ERP44: variants seen among roughly 807,000 people sequenced by gnomAD.
ERP44 encodes endoplasmic reticulum resident protein 44.
A neutral mutation model predicts 53.4 loss-of-function variants in ERP44; 25 were observed. That is an observed-to-expected ratio of 0.47 (90% CI 0.34 to 0.65). The LOEUF (loss-of-function observed/expected upper bound fraction) is 0.65. Ranked by LOEUF, ERP44 falls within the 30% of genes least tolerant of loss-of-function variation. The probability of loss-of-function intolerance (pLI) is 0.01; values close to 1 mark genes in which losing one functional copy is unlikely to be tolerated. For synonymous variants in ERP44, 145 were observed against 161.2 expected, an observed-to-expected ratio of 0.90 and a Z score of 0.76; for missense variants, 338 against 493.2, an observed-to-expected ratio of 0.69 and a Z score of 2.98.
At chr9:100,006,716 C>T in intron 9 of ERP44, 69 bp from the exon 10 acceptor site, 3 of 1,161,046 alleles carry the variant, frequency 2.6e-6, no homozygotes, top group Non-Finnish European at 3.6e-6. Context: ...AGATTGCAAG[C>T]TCACAAAAAG....
At chr9:100,061,193 A>T in intron 1 of ERP44, among the ~76,000 whole-genome samples, 1 of 152,214 alleles carries the variant, frequency 6.6e-6, no homozygotes, top group East Asian at 1.9e-4. Context: ...CTGTAATCCC[A>T]GCACTTTGAG....
intron 1 of ERP44, among the ~76,000 whole-genome samples, chr9:100,084,458 T>G (rs899692922): frequency 3.3e-5 from 5 of 152,202 alleles, no homozygotes; most frequent in African/African-American, 1.2e-4. Context: ...TTGTTTTGCT[T>G]TAATGGTATT....
chr9:100,065,050 T>C (rs1826194108), intron 1 of ERP44, among the ~76,000 whole-genome samples: 1 of 152,204 alleles, frequency 6.6e-6, no homozygotes, highest in Admixed American at 6.5e-5. Flanking sequence ...TTATAAAGAC[T>C]ACAGTAAGGT....
At chr9:100,017,840 C>G (rs1587964032) in intron 7 of ERP44, among the ~76,000 whole-genome samples, 1 of 152,316 alleles carries the variant, frequency 6.6e-6, no homozygotes, top group African/African-American at 2.4e-5. Flanking sequence ...TCCTTATTAT[C>G]TGGCAGGTAC....
intron 10 of ERP44, among the ~76,000 whole-genome samples, chr9:99,996,541 T>TC (rs56699808): frequency 1.1e-3 from 163 of 151,608 alleles, no homozygotes; most frequent in African/African-American, 3.5e-3. Flanking sequence ...TTCTTTTTTT[T>TC]CCCCCATTGG....
chr9:99,990,427 G>A (rs1016199457), intron 10 of ERP44, among the ~76,000 whole-genome samples: 4 of 152,202 alleles, frequency 2.6e-5, no homozygotes, highest in African/African-American at 7.2e-5. Flanking sequence ...CTTCATAAGT[G>A]AAGGAGAAAT....
intron 8 of ERP44, among the ~76,000 whole-genome samples, chr9:100,010,990 C>T (rs1830470901): frequency 6.6e-6 from 1 of 151,610 alleles, no homozygotes; most frequent in South Asian, 2.1e-4. Flanking sequence ...AATCCACCCT[C>T]TCTTTCAAAA....
At chr9:99,997,290 C>T (rs147508323) in intron 10 of ERP44, among the ~76,000 whole-genome samples, 71 of 152,244 alleles carry the variant, frequency 4.7e-4, no homozygotes, top group African/African-American at 1.6e-3. Context: ...ACCACATCCA[C>T]GCCAACATCT....
chr9:100,010,576 A>G (rs934513678), intron 8 of ERP44, among the ~76,000 whole-genome samples: 2 of 152,168 alleles, frequency 1.3e-5, no homozygotes, highest in African/African-American at 2.4e-5. Context: ...AAGTAATCCA[A>G]CTAAACATAC....
At chr9:100,024,152 TCAACAA>T (rs35674225) in intron 4 of ERP44, among the ~76,000 whole-genome samples, 36,561 of 149,094 alleles carry the variant, frequency 0.25, 6,191 homozygotes, top group African/African-American at 0.49. Context: ...AAACCCTGAC[TCAACAA>T]CAACAACAAC....
intron 1 of ERP44, 139 bp downstream of exon 1, chr9:100,098,645 A>T (rs1826691993): frequency 4.6e-6 from 3 of 647,634 alleles, no homozygotes; most frequent in East Asian, 3.2e-5. Flanking sequence ...GGCGAGAGTG[A>T]GGGCAGCGGG....
chr9:100,040,974 T>C (rs575590792), intron 4 of ERP44, among the ~76,000 whole-genome samples: 1 of 152,160 alleles, frequency 6.6e-6, no homozygotes, highest in South Asian at 2.1e-4. Context: ...CAATGATAAT[T>C]ATAAAACATC....
At chr9:100,090,409 A>C (rs1423833760) in intron 1 of ERP44, among the ~76,000 whole-genome samples, 1 of 152,170 alleles carries the variant, frequency 6.6e-6, no homozygotes, top group East Asian at 1.9e-4. Flanking sequence ...TGTGTTGGTA[A>C]TTTTTAAAAG....
intron 10 of ERP44, among the ~76,000 whole-genome samples, chr9:99,989,448 G>A (rs1429681832): frequency 1.3e-5 from 2 of 152,202 alleles, no homozygotes; most frequent in Non-Finnish European, 2.9e-5. Context: ...TGCAGGTGAG[G>A]GACCTGACTG....
chr9:100,078,561 C>T (rs1460635081), intron 1 of ERP44, among the ~76,000 whole-genome samples: 3 of 151,498 alleles, frequency 2.0e-5, no homozygotes. Context: ...TCAAGACCAG[C>T]CTGGCCAACA....
In ERP44 at chr9:99,985,038, C is replaced by T; in HGVS notation, c.1048G>A (p.Asp350Asn). The change falls in exon 11 of 12, where the codon GAC becomes AAC. Residue 350 changes from aspartate (D) to asparagine (N), a missense_variant. By Grantham distance (23) the Asp-to-Asn change is conservative. Coordinates refer to ENST00000262455, the MANE Select transcript of ERP44 (RefSeq NM_015051.3). Reference protein sequence around the residue: ...IPGKLKQFVFDLHSGKLHREF... With the variant: ...IPGKLKQFVFNLHSGKLHREF... The stretch of plus-strand genomic sequence containing the variant: ...CTGTGCAGTTTTCCAGAATGTAAGT[C>T]AAATACGAATTGCTTGAGTTTTCCA... 1 of 1,613,082 alleles carries T rather than the reference C, an allele frequency of 6.2e-7. No individual in the cohort carries two copies. Among genetic ancestry groups the T allele is most frequent in the Non-Finnish European group, 8.5e-7 (1 of 1,179,238 alleles).
At position 100,052,302 on chromosome 9, in the gene ERP44, T is replaced by C. The variant is rs142196157; in HGVS notation, c.286+115A>G. The C allele has an allele frequency of 3.5e-4, 166 of 475,268 alleles. No homozygotes were observed. The East Asian group carries it at 4.8e-3, about 14-fold the overall frequency. 29.4% of individuals were successfully genotyped at this position (475,268 alleles called of 1,614,324 possible). A position where few individuals can be genotyped will look rare whatever the true frequency, so the allele number is the denominator to read the frequency against. ...TGTTCTCCACTTAAAAGCAGAGCATTTAAAAAAAAAAAGAAAAGGAAAAAA... is the reference window on the plus strand; with the variant it reads ...TGTTCTCCACTTAAAAGCAGAGCATCTAAAAAAAAAAAGAAAAGGAAAAAA... On this transcript the variant is annotated intron_variant, in intron 4 of 11. Transcript: ENST00000262455.
intron 10 of ERP44, among the ~76,000 whole-genome samples, chr9:99,995,559 A>G (rs960942792): frequency 1.3e-5 from 2 of 151,816 alleles, no homozygotes; most frequent in African/African-American, 4.8e-5. Context: ...CAACCATTCT[A>G]CTCTCCACCT....
At chr9:100,093,577 A>C (rs1420524333) in intron 1 of ERP44, among the ~76,000 whole-genome samples, 1 of 152,076 alleles carries the variant, frequency 6.6e-6, no homozygotes, top group African/African-American at 2.4e-5. Flanking sequence ...TGGGAGGTTG[A>C]GGCTACAGTG....
Sources: gnomAD v4.1 joint callset for allele counts (sites outside exome capture counted in the v4.1 genomes callset) on GRCh38, gnomAD v4.1.1 for gene constraint, MANE v1.5 for transcripts, NCBI Gene and HGNC (gene_info 2026-07-23, HGNC 2026-07-21) for gene names.